IFT74: variants seen among roughly 807,000 people sequenced by gnomAD.
IFT74 encodes the protein intraflagellar transport protein 74 homolog.
A neutral mutation model predicts 96.7 loss-of-function variants in IFT74; 92 were observed. That is an observed-to-expected ratio of 0.95 (90% CI 0.80 to 1.13). The LOEUF is 1.13. Among genes scored for constraint, IFT74 ranks in the 50% most tolerant of loss-of-function variants. IFT74 has a pLI of 0.00. For synonymous variants in IFT74, 223 were observed against 213.2 expected (o/e 1.05, Z -0.40); for missense variants, 811 against 698.2 (o/e 1.16, Z -1.82).
At chr9:26,953,827 A>G (rs1826005330), upstream of IFT74, among the ~76,000 whole-genome samples, 1 of 152,114 alleles carries the variant, frequency 6.6e-6, no homozygotes, top group Non-Finnish European at 1.5e-5. Flanking sequence ...TTATTTTCTT[A>G]AAAAACCTAC....
chr9:27,065,990 C>T lies in IFT74; in HGVS notation c.*3254C>T, dbSNP rs1002097615. ...TACAAAGGTAGATAATTTAGGAAGA[C>T]AGATAAATAAAATGAAGAAAGTAAG... is the stretch of plus-strand genomic sequence containing the variant. On this transcript the variant is annotated 3_prime_UTR_variant, in exon 20 of 20. Transcript: ENST00000380062. Among the ~76,000 whole-genome samples, 7 of 152,106 alleles carry T rather than the reference C, an allele frequency of 4.6e-5. No individual in the cohort carries two copies. Among genetic ancestry groups the T allele is most frequent in the Non-Finnish European group, 8.8e-5 (6 of 68,020 alleles).
chr9:27,054,438 T>C (rs1271831586), intron 16 of IFT74, among the ~76,000 whole-genome samples: 3 of 152,232 alleles, frequency 2.0e-5, no homozygotes, highest in South Asian at 2.1e-4. Flanking sequence ...TAAATACTTA[T>C]TTAATTGCCT....
chr9:27,033,002 A>G (rs989871290), intron 13 of IFT74, among the ~76,000 whole-genome samples: 2 of 152,218 alleles, frequency 1.3e-5, no homozygotes, highest in African/African-American at 4.8e-5. Flanking sequence ...AGAAAAGTAT[A>G]TAAAGTAAAA....
At chr9:27,049,385 C>T (rs77838081) in intron 16 of IFT74, among the ~76,000 whole-genome samples, 1,936 of 152,234 alleles carry the variant, frequency 0.013, 38 homozygotes, top group African/African-American at 0.045. Context: ...TACATTCTTT[C>T]GGCGGCCTTG....
chr9:26,997,821 G>C (rs751190261), intron 8 of IFT74: 1 of 1,614,054 alleles, frequency 6.2e-7, no homozygotes, highest in Non-Finnish European at 8.5e-7. Context: ...ATTAATTCCA[G>C]ATGAAATAGT....
chr9:26,990,215 A>C lies in IFT74; in HGVS notation c.587+20A>C, dbSNP rs1253433370. On this transcript the variant is annotated intron_variant, in intron 8 of 19. Coordinates refer to ENST00000380062, the MANE Select transcript of IFT74 (RefSeq NM_025103.4). ...ACAAGCGTAAGTATAGCTAATTTAAAAATTAGATTCATAAGTAAGCTTTAT... is the reference window on the plus strand; with the variant it reads ...ACAAGCGTAAGTATAGCTAATTTAACAATTAGATTCATAAGTAAGCTTTAT... The C allele has an allele frequency of 1.6e-6, 2 of 1,264,244 alleles. No individual in the cohort carries two copies. The highest frequency in any genetic ancestry group is 1.5e-5 in the African/African-American group (1 of 64,950). 78.3% of individuals were successfully genotyped at this position (1,264,244 alleles called of 1,614,324 possible). A position where few individuals can be genotyped will look rare whatever the true frequency, so the allele number is the denominator to read the frequency against.
chr9:27,046,959 G>A (rs1025075521), intron 14 of IFT74, among the ~76,000 whole-genome samples: 4 of 152,128 alleles, frequency 2.6e-5, no homozygotes, highest in African/African-American at 9.7e-5. Context: ...TGGATCACGT[G>A]GTTAAGAGAT....
At chr9:27,008,127 T>TTG (rs1302796081) in intron 8 of IFT74, among the ~76,000 whole-genome samples, 3 of 152,168 alleles carry the variant, frequency 2.0e-5, no homozygotes, top group African/African-American at 7.2e-5. Context: ...TAGCAAAAAT[T>TTG]TGTGAAATAG....
chr9:26,968,333 C>T (rs898164573), intron 2 of IFT74, among the ~76,000 whole-genome samples: 50 of 151,502 alleles, frequency 3.3e-4, no homozygotes, highest in African/African-American at 1.0e-3. Context: ...GCAATCTCTG[C>T]TCACTACAAC....
intron 13 of IFT74, among the ~76,000 whole-genome samples, chr9:27,039,625 A>G (rs1819377436): frequency 1.3e-5 from 2 of 152,236 alleles, no homozygotes; most frequent in African/African-American, 2.4e-5. Flanking sequence ...GAACATGTAC[A>G]GTCTTATTTT....
intron 6 of IFT74, among the ~76,000 whole-genome samples, chr9:26,984,977 A>T (rs1472263951): frequency 1.3e-5 from 2 of 152,214 alleles, no homozygotes; most frequent in African/African-American, 4.8e-5. Flanking sequence ...AGGAATATAA[A>T]TCATTTTACC....
intron 12 of IFT74, among the ~76,000 whole-genome samples, chr9:27,025,853 A>T (rs1420398742): frequency 6.6e-6 from 1 of 152,198 alleles, no homozygotes; most frequent in East Asian, 1.9e-4. Flanking sequence ...TTGAAACAAA[A>T]CCTCAAAATA....
In IFT74 at chr9:26,948,851, C is replaced by T. The variant is rs189171622; in HGVS notation, c.-20+1705C>T. On this transcript the variant is annotated intron_variant, in intron 1 of 19. Transcript: ENST00000433700. ...TACTAGATTCATCTCCCTCTGTTAT[C>T]TCTCTTACTCTAGACATTTCGAATT... 5.9e-5 allele frequency among the ~76,000 whole-genome samples: 9 copies of T among 152,214 alleles called. No homozygotes were observed. In the East Asian group the frequency reaches 1.7e-3, roughly 29 times the overall value.
chr9:26,983,987 T>C lies in IFT74; in HGVS notation c.306-270T>C, dbSNP rs1316609903. 7 of 229,038 alleles carry C rather than the reference T, an allele frequency of 3.1e-5. No individual in the cohort carries two copies. In the East Asian group the frequency reaches 7.3e-4, roughly 24 times the overall value. 14.2% of individuals were successfully genotyped at this position (229,038 alleles called of 1,614,324 possible). ...TGAATAGAGATGGGGTTTCACCATG[T>C]TGGCCAGGCTTGTCTTGAGCTCCTG... is the stretch of plus-strand genomic sequence containing the variant. On this transcript the variant is annotated intron_variant, in intron 4 of 19. Transcript: ENST00000380062.
At chr9:26,976,212 G>A (rs1827119971) in intron 2 of IFT74, among the ~76,000 whole-genome samples, 1 of 152,150 alleles carries the variant, frequency 6.6e-6, no homozygotes. Flanking sequence ...CTCCCCCTGG[G>A]TGGGGTGACT....
At chr9:27,041,570 C>T in intron 13 of IFT74, among the ~76,000 whole-genome samples, 1 of 152,122 alleles carries the variant, frequency 6.6e-6, no homozygotes, top group Non-Finnish European at 1.5e-5. Context: ...TGTCCCTTTC[C>T]CTCTCCCTTG....
intron 16 of IFT74, among the ~76,000 whole-genome samples, chr9:27,048,482 C>G (rs1024004136): frequency 1.3e-5 from 2 of 152,048 alleles, no homozygotes; most frequent in African/African-American, 4.8e-5. Context: ...TTATTTCAAG[C>G]CTGTGCTATA....
At position 27,033,573 on chromosome 9, in the gene IFT74, CAAAAAAAAAAA is replaced by C. The variant is rs558712485; in HGVS notation, c.1054+4480_1054+4490del. Among the ~76,000 whole-genome samples the C allele has an allele frequency of 1.0e-3, 68 of 66,288 alleles. 1 individual carries two copies. Among genetic ancestry groups the C allele is most frequent in the Non-Finnish European group, 2.8e-4 (9 of 32,430 alleles). 43.5% of individuals were successfully genotyped at this position (66,288 alleles called of 152,430 possible). ...TGGATAACAAAGTGAGACCCTGTCTCAAAAAAAAAAAAAAAAAAAAATGGTGCCTGGTGCAC... is the reference window on the plus strand; with the variant it reads ...TGGATAACAAAGTGAGACCCTGTCTCAAAAAAAAAATGGTGCCTGGTGCAC... On this transcript the variant is annotated intron_variant, in intron 13 of 19. Transcript: ENST00000380062.
intron 18 of IFT74, among the ~76,000 whole-genome samples, chr9:27,060,322 G>T (rs575030323): frequency 5.3e-5 from 8 of 151,992 alleles, no homozygotes; most frequent in African/African-American, 1.9e-4. Flanking sequence ...ATCATAAATT[G>T]TCTTTCAGTT....
Sources: allele counts gnomAD v4.1 joint callset (sites outside exome capture counted in the v4.1 genomes callset), GRCh38; gene constraint gnomAD v4.1.1; transcripts MANE v1.5; gene names NCBI Gene and HGNC (gene_info 2026-07-23, HGNC 2026-07-21).